SYK: variants seen among roughly 807,000 people sequenced by gnomAD.
The protein encoded by SYK is tyrosine-protein kinase SYK.
SYK carries 16 observed loss-of-function variants against 77.8 expected under a neutral mutation model. The observed-to-expected ratio is 0.21, with a 90% CI of 0.14 to 0.31. The LOEUF (loss-of-function observed/expected upper bound fraction) is 0.31. Among genes scored for constraint, SYK ranks in the 10% least tolerant of loss-of-function variants. The pLI, the probability that SYK is intolerant of heterozygous loss-of-function variation, is 1.00. For missense variants in SYK, 529 were observed against 814.4 expected (o/e 0.65, Z 4.26); for synonymous variants, 312 against 308.7 (o/e 1.01, Z -0.11).
chr9:90,818,934 A>G (rs1303013763), intron 1 of SYK, among the ~76,000 whole-genome samples: 2 of 152,246 alleles, frequency 1.3e-5, no homozygotes, highest in African/African-American at 4.8e-5. Context: ...ATAGGAAACC[A>G]GGCAGATTTT....
intron 11 of SYK, among the ~76,000 whole-genome samples, chr9:90,886,663 C>A (rs551166918): frequency 2.3e-4 from 35 of 152,248 alleles, no homozygotes; most frequent in African/African-American, 7.9e-4. Context: ...TGAAATCACA[C>A]TACTGCACAC....
At chr9:90,887,231 T>C (rs939582773) in intron 11 of SYK, among the ~76,000 whole-genome samples, 9 of 152,316 alleles carry the variant, frequency 5.9e-5, no homozygotes, top group Admixed American at 5.9e-4. Context: ...TCATGCATAT[T>C]GTAGTGAATT....
intron 3 of SYK, among the ~76,000 whole-genome samples, chr9:90,854,185 G>C (rs113240847): frequency 6.6e-6 from 1 of 152,208 alleles, no homozygotes; most frequent in South Asian, 2.1e-4. Flanking sequence ...GGATTGGCAC[G>C]TGGCTGCCCC....
chr9:90,890,862 T>C (rs1170254552), intron 13 of SYK, among the ~76,000 whole-genome samples: 1 of 152,162 alleles, frequency 6.6e-6, no homozygotes, highest in African/African-American at 2.4e-5. Context: ...AAATCAAAGA[T>C]GCAGACACAC....
chr9:90,856,488 A>G (rs1289862339), intron 3 of SYK, among the ~76,000 whole-genome samples: 1 of 152,044 alleles, frequency 6.6e-6, no homozygotes, highest in African/African-American at 2.4e-5. Flanking sequence ...TCGTTGAATT[A>G]TTCTTCCAGC....
At chr9:90,853,507 G>A (rs939499900) in intron 3 of SYK, among the ~76,000 whole-genome samples, 1 of 152,104 alleles carries the variant, frequency 6.6e-6, no homozygotes, top group African/African-American at 2.4e-5. Context: ...TTAAGAAAAT[G>A]TGGCACATAT....
intron 11 of SYK, among the ~76,000 whole-genome samples, chr9:90,881,397 G>T (rs1452885570): frequency 6.6e-6 from 1 of 152,102 alleles, no homozygotes; most frequent in Non-Finnish European, 1.5e-5. Flanking sequence ...AATAAAAAGT[G>T]GGCCGGGCGT....
intron 3 of SYK, among the ~76,000 whole-genome samples, chr9:90,848,958 A>T (rs912703196): frequency 2.6e-5 from 4 of 152,248 alleles, no homozygotes; most frequent in African/African-American, 7.2e-5. Flanking sequence ...ATCCCCACCC[A>T]GGGAATGGCA....
At chr9:90,873,793 T>C (rs990589864) in intron 7 of SYK, among the ~76,000 whole-genome samples, 12 of 152,186 alleles carry the variant, frequency 7.9e-5, no homozygotes, top group Admixed American at 3.3e-4. Context: ...CTTTAAATAA[T>C]GTCCATGTAA....
rs543939838 is a variant in SYK, at chr9:90,888,938, G to A, written c.1835+311G>A. 3.3e-5 allele frequency among the ~76,000 whole-genome samples: 5 copies of A among 152,244 alleles called. 1 individual carries two copies. The South Asian group carries it at 8.3e-4, about 25-fold the overall frequency. Reference sequence around the variant, plus strand: ...TAAAAAAGTGTTTGTAAGAGTTTGGGGCTGGATGCCATTTTTGGCATAGAG... The same window carrying A: ...TAAAAAAGTGTTTGTAAGAGTTTGGAGCTGGATGCCATTTTTGGCATAGAG... On this transcript the variant is annotated intron_variant, in intron 13 of 13. Coordinates refer to ENST00000375754, the MANE Select transcript of SYK (RefSeq NM_003177.7).
chr9:90,893,177 G>A (rs1828861997), intron 13 of SYK, among the ~76,000 whole-genome samples: 1 of 152,190 alleles, frequency 6.6e-6, no homozygotes, highest in African/African-American at 2.4e-5. Flanking sequence ...CCTATGATGT[G>A]TCTTAGGAAA....
chr9:90,815,667 A>G (rs1825264819), intron 1 of SYK, among the ~76,000 whole-genome samples: 1 of 152,258 alleles, frequency 6.6e-6, no homozygotes, highest in African/African-American at 2.4e-5. Context: ...AACAAAATTG[A>G]TACGTCTAAA....
chr9:90,864,716 A>G, intron 5 of SYK, 49 bp downstream of exon 5: 1 of 1,540,550 alleles, frequency 6.5e-7, no homozygotes, highest in African/African-American at 1.4e-5. Context: ...ATCAGTGACA[A>G]TCAGCCTCAT....
intron 1 of SYK, among the ~76,000 whole-genome samples, chr9:90,803,054 T>C (rs1470764773): frequency 6.6e-6 from 1 of 152,166 alleles, no homozygotes; most frequent in Non-Finnish European, 1.5e-5. Flanking sequence ...AGTGCATAGA[T>C]AGAATTATAT....
intron 1 of SYK, among the ~76,000 whole-genome samples, chr9:90,816,553 A>G (rs528011514): frequency 1.3e-5 from 2 of 152,320 alleles, no homozygotes; most frequent in Admixed American, 1.3e-4. Context: ...AATCTTACAT[A>G]ATTATGGGGT....
At position 90,895,461 on chromosome 9, in the gene SYK, C is replaced by A. The variant is rs531050487; in HGVS notation, c.1836-67C>A. ...ACCACTGGTACTCAGCCTGCAGAGG[C>A]CCTGCTTGTGATCAGCAATTTTTCA... On this transcript the variant is annotated intron_variant, in intron 13 of 13. Coordinates refer to ENST00000375754, the MANE Select transcript of SYK (RefSeq NM_003177.7). The surrounding 1 kb of genome is among the most constrained non-coding windows in gnomAD (Gnocchi z 4.4). 8 of 1,542,752 alleles carry A rather than the reference C, an allele frequency of 5.2e-6. No homozygotes were observed. In the Admixed American group the frequency reaches 8.4e-5, roughly 16 times the overall value.
intron 1 of SYK, among the ~76,000 whole-genome samples, chr9:90,818,414 G>A (rs544629351): frequency 6.6e-6 from 1 of 152,318 alleles, no homozygotes; most frequent in Non-Finnish European, 1.5e-5. Flanking sequence ...AGGCCATTTT[G>A]TTGGCTTTGA....
intron 7 of SYK, among the ~76,000 whole-genome samples, 164 bp downstream of exon 7, chr9:90,867,363 G>A (rs1179335842): frequency 1.3e-5 from 2 of 152,128 alleles, no homozygotes; most frequent in Non-Finnish European, 2.9e-5. Context: ...CTGGGCAGCC[G>A]CGCCCCAGGT....
rs1587934260 is a variant in SYK, at chr9:90,895,385, A to T, written c.1836-143A>T. The T allele has an allele frequency of 3.6e-5, 28 of 787,080 alleles. No homozygotes were observed. In the East Asian group the frequency reaches 7.1e-4, roughly 20 times the overall value. 48.8% of individuals were successfully genotyped at this position (787,080 alleles called of 1,614,324 possible). ...GTGGTCACCCTGGGGTGGGGGGCAC[A>T]GGGACCACGCTGTGAGCTGCAGGCC... On this transcript the variant is annotated intron_variant, in intron 13 of 13. Coordinates refer to ENST00000375754, the MANE Select transcript of SYK (RefSeq NM_003177.7). This position sits in a 1 kb window ranked among gnomAD's most constrained non-coding sequence, Gnocchi z 4.4.
Sources: gnomAD v4.1 joint callset for allele counts (sites outside exome capture counted in the v4.1 genomes callset) on GRCh38, gnomAD v4.1.1 for gene constraint, Gnocchi (gnomAD v3.1) non-coding constraint, MANE v1.5 for transcripts, NCBI Gene and HGNC (gene_info 2026-07-23, HGNC 2026-07-21) for gene names.